The following SCAPER variants were observed in gnomAD, a reference collection of about 807,000 sequenced individuals.
The protein encoded by SCAPER is S-phase cyclin A associated protein in the ER, also known as S phase cyclin A-associated protein in the endoplasmic reticulum.
SCAPER carries 98 observed loss-of-function variants against 182.2 expected under a neutral mutation model. The ratio of observed to expected loss-of-function variants is 0.54; its 90% CI spans 0.46 to 0.64. SCAPER has a LOEUF of 0.64. Ranked by LOEUF, SCAPER falls within the 30% of genes least tolerant of loss-of-function variation. The pLI, the probability that SCAPER is intolerant of heterozygous loss-of-function variation, is 0.00. For synonymous variants in SCAPER, 605 were observed against 564.6 expected (o/e 1.07, Z -1.01); for missense variants, 1,432 against 1,690.0 (o/e 0.85, Z 2.68).
intron 21 of SCAPER, among the ~76,000 whole-genome samples, chr15:76,627,446 A>C (rs2052692034): frequency 6.6e-6 from 1 of 151,692 alleles, no homozygotes; most frequent in Non-Finnish European, 1.5e-5. Flanking sequence ...CCCACCCCGA[A>C]CCACACCCCC....
At chr15:76,567,038 G>A (rs1289371296) in intron 23 of SCAPER, among the ~76,000 whole-genome samples, 1 of 151,912 alleles carries the variant, frequency 6.6e-6, no homozygotes, top group Non-Finnish European at 1.5e-5. Context: ...CTGATTTTTA[G>A]GAAATTTCTT....
intron 22 of SCAPER, among the ~76,000 whole-genome samples, chr15:76,610,409 T>C (rs2050870376): frequency 1.3e-5 from 2 of 152,176 alleles, no homozygotes; most frequent in Admixed American, 6.5e-5. Flanking sequence ...TCACCACTGC[T>C]ATTGAGCACA....
intron 2 of SCAPER, among the ~76,000 whole-genome samples, chr15:76,863,130 G>A (rs771225146): frequency 8.5e-5 from 13 of 152,134 alleles, no homozygotes; most frequent in South Asian, 2.1e-4. Context: ...CTAAGAACAC[G>A]GGCCTAAGAT....
intron 20 of SCAPER, among the ~76,000 whole-genome samples, chr15:76,687,363 A>C (rs2058087463): frequency 6.6e-6 from 1 of 152,196 alleles, no homozygotes; most frequent in Non-Finnish European, 1.5e-5. Flanking sequence ...GAACTTATAT[A>C]AGCCATATTC....
chr15:76,389,773 G>A (rs2043549066), intron 27 of SCAPER, among the ~76,000 whole-genome samples: 1 of 136,930 alleles, frequency 7.3e-6, no homozygotes, highest in Non-Finnish European at 1.5e-5. Flanking sequence ...GTGGAGATGC[G>A]CCACTGCACT....
chr15:76,769,922 C>A (rs2063354274), intron 10 of SCAPER, among the ~76,000 whole-genome samples: 1 of 152,072 alleles, frequency 6.6e-6, no homozygotes. Context: ...TATTGCAGCA[C>A]TATTCACAAT....
At chr15:76,439,267 T>C (rs554505964) in intron 25 of SCAPER, among the ~76,000 whole-genome samples, 1 of 152,210 alleles carries the variant, frequency 6.6e-6, no homozygotes, top group African/African-American at 2.4e-5. Flanking sequence ...TTAGTAGAGA[T>C]AGGGTTTCGT....
intron 26 of SCAPER, among the ~76,000 whole-genome samples, chr15:76,425,843 T>C (rs1459910801): frequency 6.6e-6 from 1 of 152,254 alleles, no homozygotes; most frequent in African/African-American, 2.4e-5. Context: ...GTCAGGACCC[T>C]CAGCTGCAGG....
intron 1 of SCAPER, among the ~76,000 whole-genome samples, chr15:76,890,511 A>G (rs2074104508): frequency 6.6e-6 from 1 of 152,244 alleles, no homozygotes; most frequent in Non-Finnish European, 1.5e-5. Flanking sequence ...ACAGAAATAC[A>G]AACTACCATC....
In SCAPER at chr15:76,394,551, C is replaced by T. The variant is rs147038225; in HGVS notation, c.3467+9973G>A. On this transcript the variant is annotated intron_variant, in intron 27 of 31. Coordinates refer to ENST00000563290, the MANE Select transcript of SCAPER (RefSeq NM_020843.4). Reference sequence around the variant, plus strand: ...TTTTCAAAACATTCTTCTTTCCATTCCTTTCGTCTCTTACCTGGACAACTG... The same window carrying T: ...TTTTCAAAACATTCTTCTTTCCATTTCTTTCGTCTCTTACCTGGACAACTG... 2.3e-3 allele frequency among the ~76,000 whole-genome samples: 343 copies of T among 152,266 alleles called. 1 individual carries two copies. The highest frequency in any genetic ancestry group is 0.01 in the Middle Eastern group (3 of 294).
chr15:76,736,498 C>T (rs2151080914), intron 15 of SCAPER: 1 of 152,336 alleles, frequency 6.6e-6, no homozygotes, highest in East Asian at 1.9e-4. Flanking sequence ...TCAATGCTCT[C>T]AAAACCCTGT....
At chr15:76,857,262 G>A (rs143230103) in intron 4 of SCAPER, among the ~76,000 whole-genome samples, 2,367 of 151,844 alleles carry the variant, frequency 0.016, 59 homozygotes, top group African/African-American at 0.055. Flanking sequence ...GTGAAACCCC[G>A]TCTCTATTAA....
intron 25 of SCAPER, 78 bp from the exon 26 acceptor site, chr15:76,434,388 G>A: frequency 1.0e-6 from 1 of 991,310 alleles, no homozygotes; most frequent in South Asian, 1.7e-5. Context: ...GAACATTTCT[G>A]GAATCATAAG....
intron 22 of SCAPER, among the ~76,000 whole-genome samples, chr15:76,615,397 G>A (rs1428572705): frequency 1.3e-5 from 2 of 151,638 alleles, no homozygotes; most frequent in African/African-American, 2.4e-5. Context: ...AGTGAGCTGA[G>A]ATCGCGCCAC....
At chr15:76,431,704 A>AAAAAAAAC (rs61401621) in intron 26 of SCAPER, among the ~76,000 whole-genome samples, 1 of 127,514 alleles carries the variant, frequency 7.8e-6, no homozygotes, top group African/African-American at 2.7e-5. Context: ...AAAAAAAAAA[A>AAAAAAAAC]TGCTTTGTTT....
intron 29 of SCAPER, among the ~76,000 whole-genome samples, chr15:76,370,558 G>T (rs2042100410): frequency 6.6e-6 from 1 of 152,052 alleles, no homozygotes; most frequent in East Asian, 1.9e-4. Context: ...GCCTGCCTCG[G>T]CTGCCCAAAG....
In SCAPER at chr15:76,598,721, T is replaced by C. The variant is rs1214058623; in HGVS notation, c.2711+23043A>G. 4.2e-5 allele frequency among the ~76,000 whole-genome samples: 5 copies of C among 120,290 alleles called. 1 individual carries two copies. The highest frequency in any genetic ancestry group is 2.2e-4 in the East Asian group (1 of 4,514). The allele number at this position is 120,290 out of a possible 152,430, so 78.9% of individuals were successfully genotyped here. On this transcript the variant is annotated intron_variant, in intron 22 of 31. Coordinates refer to ENST00000563290, the MANE Select transcript of SCAPER (RefSeq NM_020843.4). ...CAGGAACAGAAAACCAAACACCACA[T>C]GTTCTCACTCATAAGTGGGAGGTGA...
intron 2 of SCAPER, among the ~76,000 whole-genome samples, chr15:76,871,505 G>A (rs2072730340): frequency 6.6e-6 from 1 of 150,836 alleles, no homozygotes; most frequent in Non-Finnish European, 1.5e-5. Flanking sequence ...AGATGGGATA[G>A]CGATGGGGAC....
At chr15:76,823,879 G>C (rs1165477907) in intron 5 of SCAPER, among the ~76,000 whole-genome samples, 2 of 150,114 alleles carry the variant, frequency 1.3e-5, no homozygotes, top group African/African-American at 2.5e-5. Flanking sequence ...ATTTACTTCA[G>C]AAGTTTTCTA....
Sources: allele counts gnomAD v4.1 joint callset (sites outside exome capture counted in the v4.1 genomes callset), GRCh38; gene constraint gnomAD v4.1.1; transcripts MANE v1.5; gene names NCBI Gene and HGNC (gene_info 2026-07-23, HGNC 2026-07-21).